Variants in PICK1 observed in about 807,000 individuals in gnomAD.
PICK1 encodes protein interacting with PRKCA 1, also known as PRKCA-binding protein.
In PICK1, 23 loss-of-function variants were observed where a neutral mutation model predicts 48.9. That is an observed-to-expected ratio of 0.47 (90% confidence interval 0.34 to 0.67). The LOEUF (loss-of-function observed/expected upper bound fraction) is 0.67. PICK1 is among the 30% of genes least tolerant of loss of function. The probability of loss-of-function intolerance (pLI) is 0.01; values close to 1 mark genes in which losing one functional copy is unlikely to be tolerated. For missense variants in PICK1, 423 were observed against 557.1 expected (o/e 0.76, Z 2.42); for synonymous variants, 217 against 228.2 (o/e 0.95, Z 0.44).
Position 38,074,806 on chromosome 22 carries a change from C to T in PICK1, c.980-58C>T. The T allele has an allele frequency of 1.3e-6, 2 of 1,597,638 alleles. No homozygotes were observed. The highest frequency in any genetic ancestry group is 1.7e-4 in the Middle Eastern group (1 of 5,796). On this transcript the variant is annotated intron_variant, in intron 12 of 12. Transcript: ENST00000356976. This position sits in a 1 kb window ranked among gnomAD's most constrained non-coding sequence, Gnocchi z 4.5. ...GGGCCGGGTGGGCTGGGAGAGTCTC[C>T]TCCCTGAGGCAGGCAGCCAGAGCCC...
In PICK1 at chr22:38,073,966, C is replaced by T; in HGVS notation, c.834+143C>T. ...GGAGATTTAGGGCCATCTTCCCAGT[C>T]CCGCTCGCTGGGCCTCGGGGTGCTG... On this transcript the variant is annotated intron_variant, in intron 11 of 12. Coordinates refer to ENST00000356976, the MANE Select transcript of PICK1 (RefSeq NM_012407.4). This position sits in a 1 kb window ranked among gnomAD's most constrained non-coding sequence, Gnocchi z 5.7. 1 of 851,138 alleles carries T rather than the reference C, an allele frequency of 1.2e-6. No homozygotes were observed. 52.7% of individuals were successfully genotyped at this position (851,138 alleles called of 1,614,324 possible). A position where few individuals can be genotyped will look rare whatever the true frequency, so the allele number is the denominator to read the frequency against.
In PICK1 at chr22:38,075,328, G is replaced by A. The variant is rs1182450464; in HGVS notation, c.*196G>A. The A allele has an allele frequency of 5.1e-6, 3 of 589,414 alleles. No homozygotes were observed. The highest frequency in any genetic ancestry group is 8.9e-6 in the Non-Finnish European group (3 of 337,384). 36.5% of individuals were successfully genotyped at this position (589,414 alleles called of 1,614,324 possible). ...CACCAGGGTCATGGCCTGGGACCTG[G>A]ACACTGGCCCCTCCACCCTCCCTCC... On this transcript the variant is annotated 3_prime_UTR_variant, in exon 13 of 13. Transcript: ENST00000356976.
chr22:38,058,454 T>A (rs2085322488), intron 2 of PICK1, among the ~76,000 whole-genome samples: 1 of 151,846 alleles, frequency 6.6e-6, no homozygotes, highest in Admixed American at 6.6e-5. Context: ...AGGTGGACAG[T>A]TTAATAGAGG....
intron 5 of PICK1, chr22:38,067,996 C>A (rs906953681): frequency 6.2e-6 from 4 of 650,316 alleles, no homozygotes; most frequent in Non-Finnish European, 1.2e-5. Context: ...TTTCTCACTC[C>A]CCCGCGTTTC....
At chr22:38,071,768 G>A in intron 8 of PICK1, 24 bp downstream of exon 8, 2 of 1,607,646 alleles carry the variant, frequency 1.2e-6, no homozygotes, top group South Asian at 1.1e-5. Context: ...CCAAAGCTGT[G>A]GTGTGACCGT....
intron 2 of PICK1, 105 bp downstream of exon 2, chr22:38,057,955 G>C: frequency 2.2e-6 from 2 of 928,020 alleles, no homozygotes; most frequent in Non-Finnish European, 3.5e-6. Context: ...CGGTGGATCA[G>C]TTGTTGTACT....
chr22:38,071,040 C>T, intron 7 of PICK1, 149 bp downstream of exon 7: 2 of 699,710 alleles, frequency 2.9e-6, no homozygotes, highest in African/African-American at 1.8e-5. Context: ...ATATATACTT[C>T]TTCTGAATTT....
At position 38,075,382 on chromosome 22, in the gene PICK1, C is replaced by T. The variant is rs2085817809; in HGVS notation, c.*250C>T. On this transcript the variant is annotated 3_prime_UTR_variant, in exon 13 of 13. Coordinates refer to ENST00000356976, the MANE Select transcript of PICK1 (RefSeq NM_012407.4). The stretch of plus-strand genomic sequence containing the variant: ...CCCGGCTCCCCGGCCAGAGGGAGAG[C>T]TTGGTCTCTGGACCTGCCTTAGGAA... 1 of 531,798 alleles carries T rather than the reference C, an allele frequency of 1.9e-6. No individual in the cohort carries two copies. Among genetic ancestry groups the T allele is most frequent in the East Asian group, 3.0e-5 (1 of 33,370 alleles). The allele number at this position is 531,798 out of a possible 1,614,324, so 32.9% of individuals were successfully genotyped here. A position where few individuals can be genotyped will look rare whatever the true frequency, so the allele number is the denominator to read the frequency against.
In PICK1 at chr22:38,074,445, A is replaced by C; in HGVS notation, c.973A>C (p.Lys325Gln). The change falls in exon 12 of 13, where the codon AAG becomes CAG. Residue 325 changes from lysine (K) to glutamine (Q), a missense_variant. Around this residue, in one of 2 missense-constraint regions of PICK1, gnomAD observed 144 missense variants for 139.3 expected, o/e 1.03. Transcript: ENST00000356976. This position sits in a 1 kb window ranked among gnomAD's most constrained non-coding sequence, Gnocchi z 4.5. ...GGAGAAGATGGAGCTGCTGGACCAG[A>C]AGCACGGTGAGCGCCGCCCTCCTCC... ...VLEKMELLDQKHVQDIVFQLQ... is the reference protein window; with the variant it reads ...VLEKMELLDQQHVQDIVFQLQ... 2 of 1,613,126 alleles carry C rather than the reference A, an allele frequency of 1.2e-6. 1 individual carries two copies. Among genetic ancestry groups the C allele is most frequent in the Non-Finnish European group, 1.7e-6 (2 of 1,179,952 alleles).
Position 38,073,911 on chromosome 22 carries a change from C to G in PICK1, c.834+88C>G, listed in dbSNP as rs1017732274. On this transcript the variant is annotated intron_variant, in intron 11 of 12. Transcript: ENST00000356976. This position sits in a 1 kb window ranked among gnomAD's most constrained non-coding sequence, Gnocchi z 5.7. ...GTGGCTCAGGCCAACCCGGGAGAGA[C>G]CGGGGGGACTTGGCTGGACTCTCGT... is the stretch of plus-strand genomic sequence containing the variant. The G allele has an allele frequency of 1.1e-5, 15 of 1,309,616 alleles. No individual in the cohort carries two copies. The African/African-American group carries it at 1.7e-4, about 15-fold the overall frequency. 81.1% of individuals were successfully genotyped at this position (1,309,616 alleles called of 1,614,324 possible).
intron 6 of PICK1, among the ~76,000 whole-genome samples, chr22:38,070,162 C>G (rs2085642235): frequency 6.6e-6 from 1 of 152,252 alleles, no homozygotes; most frequent in African/African-American, 2.4e-5. Context: ...CTCCCCTCTT[C>G]TGCTAAAAAA....
At chr22:38,061,002 G>A (rs2085387378) in intron 3 of PICK1, among the ~76,000 whole-genome samples, 1 of 152,056 alleles carries the variant, frequency 6.6e-6, no homozygotes, top group African/African-American at 2.4e-5. Context: ...ACCCACCTCA[G>A]CCTCCCAAAG....
At chr22:38,068,280 G>A (rs79839322) in intron 5 of PICK1, among the ~76,000 whole-genome samples, 6,090 of 152,316 alleles carry the variant, frequency 0.04, 171 homozygotes, top group East Asian at 0.11. Context: ...TCCTGTTAGA[G>A]GGGCTGAGCC....
At chr22:38,064,918 G>T in intron 3 of PICK1, 84 bp from the exon 4 acceptor site, 1 of 1,507,692 alleles carries the variant, frequency 6.6e-7, no homozygotes, top group Non-Finnish European at 9.2e-7. Flanking sequence ...GTGGAAGACA[G>T]AGCCAGGCAG....
intron 5 of PICK1, among the ~76,000 whole-genome samples, chr22:38,068,431 C>T (rs2085587210): frequency 6.6e-6 from 1 of 152,192 alleles, no homozygotes; most frequent in African/African-American, 2.4e-5. Context: ...TAGGTCTCAG[C>T]TCTGGAGCCC....
chr22:38,064,379 G>A (rs576524545), intron 3 of PICK1, among the ~76,000 whole-genome samples: 54 of 152,230 alleles, frequency 3.5e-4, no homozygotes, highest in African/African-American at 1.3e-3. Context: ...TTTGTATGTG[G>A]TGTTAAGTAG....
chr22:38,073,918 G>A lies in PICK1; in HGVS notation c.834+95G>A. On this transcript the variant is annotated intron_variant, in intron 11 of 12. Coordinates refer to ENST00000356976, the MANE Select transcript of PICK1 (RefSeq NM_012407.4). This position sits in a 1 kb window ranked among gnomAD's most constrained non-coding sequence, Gnocchi z 5.7. ...AGGCCAACCCGGGAGAGACCGGGGG[G>A]ACTTGGCTGGACTCTCGTTCCTGGA... is the stretch of plus-strand genomic sequence containing the variant. 1 of 1,194,736 alleles carries A rather than the reference G, an allele frequency of 8.4e-7. No individual in the cohort carries two copies. Among genetic ancestry groups the A allele is most frequent in the Non-Finnish European group, 1.2e-6 (1 of 802,160 alleles). The allele number at this position is 1,194,736 out of a possible 1,614,324, so 74.0% of individuals were successfully genotyped here.
chr22:38,057,837 G>A lies in PICK1; in HGVS notation c.28G>A (p.Glu10Lys), dbSNP rs1331717911. ...GTTTGCAGACTTGGATTATGACATCGAAGAGGATAAACTGTGAGTATTTTA... is the reference window on the plus strand; with the variant it reads ...GTTTGCAGACTTGGATTATGACATCAAAGAGGATAAACTGTGAGTATTTTA... MFADLDYDIEEDKLGIPTVP... is the reference protein window; with the variant it reads MFADLDYDIKEDKLGIPTVP... The change falls in exon 2 of 13, where the codon GAA becomes AAA. Residue 10 changes from glutamate to lysine, a missense_variant. Coordinates refer to ENST00000356976, the MANE Select transcript of PICK1 (RefSeq NM_012407.4). 1 of 1,613,852 alleles carries A rather than the reference G, an allele frequency of 6.2e-7. No homozygotes were observed. Among genetic ancestry groups the A allele is most frequent in the African/African-American group, 1.3e-5 (1 of 75,038 alleles).
intron 3 of PICK1, among the ~76,000 whole-genome samples, chr22:38,063,912 AT>A (rs1293716501): frequency 6.6e-6 from 1 of 151,854 alleles, no homozygotes; most frequent in East Asian, 1.9e-4. Flanking sequence ...CAATTTGTTT[AT>A]TTTTTGTTAC....
Sources: allele counts gnomAD v4.1 joint callset (sites outside exome capture counted in the v4.1 genomes callset), GRCh38; gene constraint gnomAD v4.1.1; regional missense constraint gnomAD v4.1.1; non-coding constraint Gnocchi (gnomAD v3.1); transcripts MANE v1.5; gene names NCBI Gene and HGNC (gene_info 2026-07-23, HGNC 2026-07-21).